Variants in CEP112 observed in about 807,000 individuals in gnomAD.
CEP112 encodes the protein centrosomal protein of 112 kDa.
CEP112 carries 127 observed loss-of-function variants against 153.0 expected under a neutral mutation model. The observed-to-expected ratio is 0.83, with a 90% confidence interval of 0.72 to 0.96. The LOEUF is 0.96. Ranked by LOEUF, CEP112 falls within the 40% of genes least tolerant of loss-of-function variation. CEP112 has a pLI of 0.00. For synonymous variants in CEP112, 358 were observed against 374.4 expected, an observed-to-expected ratio of 0.96 and a Z score of 0.51; for missense variants, 1,089 against 1,101.2, an observed-to-expected ratio of 0.99 and a Z score of 0.16.
At chr17:65,875,926 GATA>G (rs2058810821) in intron 20 of CEP112, among the ~76,000 whole-genome samples, 2 of 152,114 alleles carry the variant, frequency 1.3e-5, no homozygotes, top group Admixed American at 6.5e-5. Flanking sequence ...AACACAACCA[GATA>G]ATATGTTACA....
chr17:66,131,646 C>T lies in CEP112; in HGVS notation c.564+1024G>A, dbSNP rs565380425. On this transcript the variant is annotated intron_variant, in intron 5 of 26. Coordinates refer to ENST00000535342, the MANE Select transcript of CEP112 (RefSeq NM_001199165.4). ...GTCCCAGCTACTCGGGAGGCTGAGG[C>T]AGGAGAACGGCGTGAACCCGGGAGG... Among the ~76,000 whole-genome samples, 453 of 152,230 alleles carry T rather than the reference C, an allele frequency of 3.0e-3. 3 individuals carry two copies. Among genetic ancestry groups the T allele is most frequent in the African/African-American group, 0.01 (425 of 41,544 alleles).
At chr17:66,132,394 A>G (rs1039084150) in intron 5 of CEP112, among the ~76,000 whole-genome samples, 1 of 152,096 alleles carries the variant, frequency 6.6e-6, no homozygotes, top group African/African-American at 2.4e-5. Flanking sequence ...TCATTTCCAC[A>G]TAAATTCTGA....
At chr17:66,078,668 T>C (rs1172226615) in intron 8 of CEP112, among the ~76,000 whole-genome samples, 1 of 152,192 alleles carries the variant, frequency 6.6e-6, no homozygotes, top group Non-Finnish European at 1.5e-5. Flanking sequence ...ACTTTGGGTT[T>C]TTTTTAATTT....
chr17:65,729,665 T>C (rs780917713), intron 23 of CEP112, among the ~76,000 whole-genome samples: 6 of 152,218 alleles, frequency 3.9e-5, no homozygotes, highest in African/African-American at 1.2e-4. Context: ...AATAGTTTAC[T>C]AACCAAAGTA....
intron 21 of CEP112, among the ~76,000 whole-genome samples, chr17:65,763,541 G>A (rs2052742746): frequency 6.7e-6 from 1 of 150,256 alleles, no homozygotes; most frequent in Admixed American, 6.7e-5. Flanking sequence ...AACTTTGGAA[G>A]TTTCTACTGA....
chr17:65,902,839 T>C (rs1233025358), intron 19 of CEP112, among the ~76,000 whole-genome samples: 1 of 152,208 alleles, frequency 6.6e-6, no homozygotes, highest in Admixed American at 6.5e-5. Flanking sequence ...TATCTCGTTG[T>C]CAGCTACGGT....
At chr17:65,648,862 C>A (rs2045582085) in intron 24 of CEP112, among the ~76,000 whole-genome samples, 1 of 151,964 alleles carries the variant, frequency 6.6e-6, no homozygotes, top group Middle Eastern at 3.2e-3. Flanking sequence ...ACCAGCCTAG[C>A]CAACATGGCG....
At chr17:65,962,241 G>A (rs527443328) in intron 17 of CEP112, among the ~76,000 whole-genome samples, 13 of 152,198 alleles carry the variant, frequency 8.5e-5, no homozygotes, top group African/African-American at 3.1e-4. Flanking sequence ...CTTCAAAGGA[G>A]TGAATTTTAT....
intron 21 of CEP112, among the ~76,000 whole-genome samples, chr17:65,807,102 G>T (rs747968664): frequency 3.3e-5 from 5 of 152,182 alleles, no homozygotes; most frequent in Non-Finnish European, 7.3e-5. Flanking sequence ...TGGAGATAAA[G>T]AACTTATTGG....
chr17:65,952,372 T>C (rs894923039), intron 18 of CEP112, among the ~76,000 whole-genome samples: 1 of 151,950 alleles, frequency 6.6e-6, no homozygotes, highest in Non-Finnish European at 1.5e-5. Flanking sequence ...TAAAAAACAC[T>C]CAGTATATAC....
intron 4 of CEP112, among the ~76,000 whole-genome samples, chr17:66,153,077 A>G (rs1206738115): frequency 2.0e-5 from 3 of 152,186 alleles, no homozygotes; most frequent in Non-Finnish European, 4.4e-5. Flanking sequence ...TCATGTGAAG[A>G]GACTGGAATA....
At chr17:66,050,186 T>C (rs1327033077) in intron 12 of CEP112, among the ~76,000 whole-genome samples, 1 of 152,246 alleles carries the variant, frequency 6.6e-6, no homozygotes, top group East Asian at 1.9e-4. Flanking sequence ...TATTTTTTAT[T>C]AATAGATGTG....
intron 1 of CEP112, among the ~76,000 whole-genome samples, chr17:66,184,238 G>A (rs940250101): frequency 6.6e-6 from 1 of 152,074 alleles, no homozygotes; most frequent in African/African-American, 2.4e-5. Flanking sequence ...TAGCCTCGGT[G>A]ACAGAGCAAG....
intron 21 of CEP112, among the ~76,000 whole-genome samples, chr17:65,840,804 C>CA (rs1057223229): frequency 2.6e-5 from 4 of 151,576 alleles, no homozygotes; most frequent in Non-Finnish European, 5.9e-5. Flanking sequence ...AACTCAACAG[C>CA]AAAAAAACAA....
chr17:65,761,291 A>AT (rs981389719), intron 21 of CEP112, among the ~76,000 whole-genome samples: 7 of 151,352 alleles, frequency 4.6e-5, no homozygotes, highest in African/African-American at 1.7e-4. Flanking sequence ...TTTTATTTTT[A>AT]TTTTTAAAGA....
intron 20 of CEP112, among the ~76,000 whole-genome samples, chr17:65,874,873 A>AC (rs2058772456): frequency 6.6e-6 from 1 of 152,092 alleles, no homozygotes; most frequent in African/African-American, 2.4e-5. Flanking sequence ...ATTATTCTTT[A>AC]CATCGTAATC....
At chr17:66,152,425 T>C (rs1388170007) in intron 4 of CEP112, among the ~76,000 whole-genome samples, 1 of 152,178 alleles carries the variant, frequency 6.6e-6, no homozygotes, top group African/African-American at 2.4e-5. Flanking sequence ...CGCTCTTAGG[T>C]GCAAGAGTAG....
chr17:66,132,911 G>C (rs1414866510), intron 4 of CEP112, 148 bp from the exon 5 acceptor site: 1 of 629,654 alleles, frequency 1.6e-6, no homozygotes, highest in Admixed American at 2.7e-5. Context: ...GGTGGCGAGT[G>C]CCTGTAATCC....
intron 23 of CEP112, among the ~76,000 whole-genome samples, chr17:65,726,629 G>A (rs1395974322): frequency 6.6e-6 from 1 of 152,160 alleles, no homozygotes; most frequent in Non-Finnish European, 1.5e-5. Flanking sequence ...TGAAAGCTAA[G>A]CAGAAGAGTT....
Sources: gnomAD v4.1 joint callset for allele counts (sites outside exome capture counted in the v4.1 genomes callset) on GRCh38, gnomAD v4.1.1 for gene constraint, MANE v1.5 for transcripts, NCBI Gene and HGNC (gene_info 2026-07-23, HGNC 2026-07-21) for gene names.